Variants in TOGARAM1 observed in about 807,000 individuals in gnomAD.
The protein encoded by TOGARAM1 is TOG array regulator of axonemal microtubules protein 1.
TOGARAM1 carries 100 observed loss-of-function variants against 166.6 expected under a neutral mutation model. That is an observed-to-expected ratio of 0.60 (90% CI 0.51 to 0.71). The LOEUF (loss-of-function observed/expected upper bound fraction) is 0.71, where lower values mean the gene tolerates loss of function less well. Ranked by LOEUF, TOGARAM1 falls within the 30% of genes least tolerant of loss-of-function variation. The pLI is 0.00. For missense variants in TOGARAM1, 2,029 were observed against 2,102.7 expected (o/e 0.96, Z 0.69); for synonymous variants, 758 against 763.8 (o/e 0.99, Z 0.13).
intron 11 of TOGARAM1, among the ~76,000 whole-genome samples, chr14:45,043,120 T>C (rs1194133673): frequency 1.3e-5 from 2 of 152,176 alleles, no homozygotes; most frequent in Admixed American, 6.6e-5. Flanking sequence ...TACCTAGATC[T>C]TATGGATAAC....
chr14:44,993,650 A>G (rs1283527466), intron 1 of TOGARAM1, among the ~76,000 whole-genome samples: 1 of 152,208 alleles, frequency 6.6e-6, no homozygotes, highest in Non-Finnish European at 1.5e-5. Context: ...TTTTACTTTT[A>G]AGAGAGACCT....
At chr14:44,981,543 C>T (rs985295085) in intron 1 of TOGARAM1, among the ~76,000 whole-genome samples, 1 of 152,190 alleles carries the variant, frequency 6.6e-6, no homozygotes, top group East Asian at 1.9e-4. Context: ...TTATACATTA[C>T]AGCCTACTAC....
At chr14:45,036,937 C>CTT (rs756954021) in intron 11 of TOGARAM1, among the ~76,000 whole-genome samples, 2 of 152,164 alleles carry the variant, frequency 1.3e-5, no homozygotes, top group East Asian at 3.8e-4. Context: ...ACAAAAGGCA[C>CTT]TTCTTATATG....
intron 16 of TOGARAM1, among the ~76,000 whole-genome samples, chr14:45,065,914 A>G (rs547427714): frequency 1.3e-5 from 2 of 152,352 alleles, no homozygotes; most frequent in African/African-American, 4.8e-5. Flanking sequence ...TGAGACTGCT[A>G]TCCCTAAAAA....
intron 7 of TOGARAM1, among the ~76,000 whole-genome samples, chr14:45,018,493 C>T (rs896469008): frequency 3.3e-5 from 5 of 152,200 alleles, no homozygotes; most frequent in Non-Finnish European, 7.3e-5. Context: ...ATCTACCTGC[C>T]TTGGCATCCC....
At chr14:44,984,427 ATAAT>A (rs930660406) in intron 1 of TOGARAM1, among the ~76,000 whole-genome samples, 1 of 152,016 alleles carries the variant, frequency 6.6e-6, no homozygotes, top group African/African-American at 2.4e-5. Flanking sequence ...AAATTTAAAC[ATAAT>A]TAACCTTAAA....
intron 2 of TOGARAM1, 178 bp downstream of exon 2, chr14:44,996,080 G>A: frequency 2.3e-6 from 1 of 430,756 alleles, no homozygotes; most frequent in Non-Finnish European, 4.0e-6. Flanking sequence ...AACCCTGGAG[G>A]GTTTCTCACT....
At chr14:45,058,265 G>C (rs577560370) in intron 16 of TOGARAM1, among the ~76,000 whole-genome samples, 1 of 150,620 alleles carries the variant, frequency 6.6e-6, no homozygotes, top group Admixed American at 6.6e-5. Context: ...AGCTACACCT[G>C]ATCACTTTTG....
At chr14:45,072,762 G>T (rs1883439770) in intron 19 of TOGARAM1, among the ~76,000 whole-genome samples, 5 of 151,952 alleles carry the variant, frequency 3.3e-5, no homozygotes, top group Admixed American at 3.3e-4. Context: ...AATTAGATAG[G>T]TTAGCAATGC....
At chr14:44,985,654 A>G (rs938812510) in intron 1 of TOGARAM1, among the ~76,000 whole-genome samples, 7 of 152,216 alleles carry the variant, frequency 4.6e-5, no homozygotes, top group Non-Finnish European at 1.0e-4. Context: ...GCTACTGTAA[A>G]TACATTTGAA....
intron 1 of TOGARAM1, among the ~76,000 whole-genome samples, chr14:44,972,782 A>T (rs1885956104): frequency 6.6e-6 from 1 of 152,118 alleles, no homozygotes; most frequent in South Asian, 2.1e-4. Context: ...GGTTTCTTGT[A>T]GACAGCCTAT....
Position 45,004,256 on chromosome 14 carries a change from TTAA to T in TOGARAM1, c.2536_2538del (p.Asn846del), listed in dbSNP as rs1887841116. On this transcript the variant is annotated inframe_deletion, in exon 4 of 20. Transcript: ENST00000361462. ...CCAAAGAAGTCTCAAGATAATTCTG[TTAA>T]TTTCTCAAATTCCTGGCCTCTTAAA... 1 of 1,614,134 alleles carries T rather than the reference TTAA, an allele frequency of 6.2e-7. No homozygotes were observed. Among genetic ancestry groups the T allele is most frequent in the East Asian group, 2.2e-5 (1 of 44,870 alleles).
chr14:45,054,590 T>A, intron 16 of TOGARAM1, 41 bp downstream of exon 16: 1 of 1,355,860 alleles, frequency 7.4e-7, no homozygotes, highest in South Asian at 1.3e-5. Flanking sequence ...AATTACTCCC[T>A]TGTGATAGTA....
At chr14:45,048,431 G>A (rs1048121328) in intron 14 of TOGARAM1, among the ~76,000 whole-genome samples, 1 of 151,856 alleles carries the variant, frequency 6.6e-6, no homozygotes, top group African/African-American at 2.4e-5. Context: ...CATTACTTTA[G>A]GTATCTGGAG....
In TOGARAM1 at chr14:44,962,383, C is replaced by T; in HGVS notation, c.-39C>T. The stretch of plus-strand genomic sequence containing the variant: ...GCTCCATCGAGCCCTTTGGAGACGG[C>T]AATGGTTTCTTCCAACCACCACCAC... On this transcript the variant is annotated 5_prime_UTR_variant, in exon 1 of 20. Coordinates refer to ENST00000361462, the MANE Select transcript of TOGARAM1 (RefSeq NM_001308120.2). The T allele has an allele frequency of 1.3e-6, 2 of 1,508,796 alleles. No homozygotes were observed. Among genetic ancestry groups the T allele is most frequent in the East Asian group, 4.6e-5 (2 of 43,836 alleles). The allele number at this position is 1,508,796 out of a possible 1,614,324, so 93.5% of individuals were successfully genotyped here. A position where few individuals can be genotyped will look rare whatever the true frequency, so the allele number is the denominator to read the frequency against.
At chr14:45,035,968 GA>G (rs1191483712) in intron 11 of TOGARAM1, among the ~76,000 whole-genome samples, 8 of 144,760 alleles carry the variant, frequency 5.5e-5, no homozygotes, top group Non-Finnish European at 9.1e-5. Context: ...AAAAAAGAAA[GA>G]AAAAAAATTT....
intron 1 of TOGARAM1, among the ~76,000 whole-genome samples, chr14:44,972,156 C>G (rs1284695573): frequency 6.6e-6 from 1 of 152,132 alleles, no homozygotes; most frequent in Non-Finnish European, 1.5e-5. Context: ...TTGAGGATTA[C>G]AATTTGAAAT....
rs556561696 is a variant in TOGARAM1, at chr14:45,071,640, A to G, written c.4970-72A>G. ...AGAAGTGATTTTTTTTTTCTTTTCA[A>G]TGCTATGTAATGGAAAGTAACTAAG... On this transcript the variant is annotated intron_variant, in intron 18 of 19. Transcript: ENST00000361462. The G allele has an allele frequency of 2.9e-4, 283 of 987,584 alleles. 1 individual carries two copies. In the African/African-American group the frequency reaches 4.0e-3, roughly 14 times the overall value. 61.2% of individuals were successfully genotyped at this position (987,584 alleles called of 1,614,324 possible). A position where few individuals can be genotyped will look rare whatever the true frequency, so the allele number is the denominator to read the frequency against.
Position 44,971,928 on chromosome 14 carries a change from C to T in TOGARAM1, c.2046+7461C>T, listed in dbSNP as rs145930061. ...AAGAGACTTCATTGACTCATAGTTC[C>T]TCATGGCTGGGTAGACCTCGGAAAT... is the stretch of plus-strand genomic sequence containing the variant. On this transcript the variant is annotated intron_variant, in intron 1 of 19. Transcript: ENST00000361462. Among the ~76,000 whole-genome samples, 289 of 152,204 alleles carry T rather than the reference C, an allele frequency of 1.9e-3. 3 individuals carry two copies. Among genetic ancestry groups the T allele is most frequent in the African/African-American group, 6.4e-3 (267 of 41,524 alleles).
Sources: gnomAD v4.1 joint callset for allele counts (sites outside exome capture counted in the v4.1 genomes callset) on GRCh38, gnomAD v4.1.1 for gene constraint, MANE v1.5 for transcripts, NCBI Gene and HGNC (gene_info 2026-07-23, HGNC 2026-07-21) for gene names.